Variants in KCNMA1 observed in about 807,000 individuals in gnomAD.
KCNMA1 encodes Calcium-activated potassium channel subunit alpha-1.
In KCNMA1, 29 loss-of-function variants were observed where a neutral mutation model predicts 140.0. That is an observed-to-expected ratio of 0.21 (90% CI 0.15 to 0.28). The LOEUF (loss-of-function observed/expected upper bound fraction) is 0.28. Among genes scored for constraint, KCNMA1 ranks in the 10% least tolerant of loss-of-function variants. KCNMA1 has a pLI of 1.00. For missense variants in KCNMA1, 880 were observed against 1,602.2 expected, an observed-to-expected ratio of 0.55 and a Z score of 7.70; for synonymous variants, 612 against 611.9, an observed-to-expected ratio of 1.00 and a Z score of 0.00.
intron 2 of KCNMA1, among the ~76,000 whole-genome samples, chr10:77,395,825 C>T (rs915849772): frequency 2.6e-5 from 4 of 152,182 alleles, no homozygotes; most frequent in East Asian, 1.9e-4. Context: ...CACTACCTGT[C>T]GGGGGAGACT....
At chr10:77,526,826 C>G (rs78101676) in intron 1 of KCNMA1, among the ~76,000 whole-genome samples, 6,132 of 151,668 alleles carry the variant, frequency 0.04, 178 homozygotes, top group Non-Finnish European at 0.06. Flanking sequence ...CTTCTCCTCT[C>G]TCTCTCTCTC....
chr10:77,244,212 AG>A (rs2058037839), intron 3 of KCNMA1, among the ~76,000 whole-genome samples: 1 of 152,182 alleles, frequency 6.6e-6, no homozygotes, highest in Non-Finnish European at 1.5e-5. Context: ...GATGACCTTG[AG>A]GAGGTCCCTC....
chr10:77,334,695 A>G (rs564060876), intron 2 of KCNMA1, among the ~76,000 whole-genome samples: 73 of 152,336 alleles, frequency 4.8e-4, no homozygotes, highest in Admixed American at 6.5e-4. Flanking sequence ...CATGAAACAT[A>G]CACTCAGTGT....
intron 1 of KCNMA1, among the ~76,000 whole-genome samples, chr10:77,613,322 G>C (rs538489054): frequency 3.3e-5 from 5 of 152,152 alleles, no homozygotes; most frequent in Non-Finnish European, 5.9e-5. Flanking sequence ...AACTGTGGCC[G>C]ACCAGGACTG....
intron 23 of KCNMA1, among the ~76,000 whole-genome samples, chr10:76,940,887 G>GGA (rs1156959326): frequency 6.6e-6 from 1 of 150,828 alleles, no homozygotes; most frequent in Admixed American, 6.6e-5. Context: ...CTTGAACCCA[G>GGA]GAGGTGGAGG....
At chr10:77,348,609 G>A (rs544202746) in intron 2 of KCNMA1, among the ~76,000 whole-genome samples, 16 of 152,320 alleles carry the variant, frequency 1.1e-4, no homozygotes, top group South Asian at 2.1e-4. Context: ...GCTGGGATCC[G>A]TCTTGAAAGA....
chr10:76,889,769 G>C, intron 26 of KCNMA1, 200 bp from the exon 27 acceptor site: 2 of 622,684 alleles, frequency 3.2e-6, no homozygotes, highest in East Asian at 5.7e-5. Context: ...TAGGGATCAG[G>C]TAACAATGGG....
rs34592624 is a variant in KCNMA1, at chr10:77,084,821, G to GA, written c.1441-103dup. 0.33 allele frequency: 187,775 copies of GA among 561,890 alleles called. 6,233 individuals carry two copies. Among genetic ancestry groups the GA allele is most frequent in the South Asian group, 0.38 (16,936 of 44,744 alleles). The allele number at this position is 561,890 out of a possible 1,614,324, so 34.8% of individuals were successfully genotyped here. On this transcript the variant is annotated intron_variant, in intron 11 of 27. Coordinates refer to ENST00000286628, the MANE Select transcript of KCNMA1 (RefSeq NM_001161352.2). Reference sequence around the variant, plus strand: ...CAGCTTCTTGGGGAAGCTTTGCAAAGAAAAAAAAAAAACAATCCTGAGAGC... The same window carrying GA: ...CAGCTTCTTGGGGAAGCTTTGCAAAGAAAAAAAAAAAAACAATCCTGAGAGC...
intron 1 of KCNMA1, among the ~76,000 whole-genome samples, chr10:77,528,586 G>A (rs566980720): frequency 1.3e-5 from 2 of 150,290 alleles, no homozygotes; most frequent in Admixed American, 6.6e-5. Context: ...TCCAGCCTGG[G>A]TGACAGAGTG....
chr10:77,634,496 C>G, intron 1 of KCNMA1: 1 of 985,372 alleles, frequency 1.0e-6, no homozygotes, highest in Non-Finnish European at 1.2e-6. Context: ...ATCCCAGAGA[C>G]CAAACGCTCA....
At chr10:77,073,614 G>A (rs759809704) in intron 13 of KCNMA1, among the ~76,000 whole-genome samples, 15 of 152,170 alleles carry the variant, frequency 9.9e-5, no homozygotes, top group Non-Finnish European at 1.9e-4. Context: ...CCAAATGCCT[G>A]TATATTTTCA....
At chr10:77,210,245 G>T (rs1279531053) in intron 3 of KCNMA1, among the ~76,000 whole-genome samples, 1 of 152,208 alleles carries the variant, frequency 6.6e-6, no homozygotes, top group Non-Finnish European at 1.5e-5. Flanking sequence ...TCCCTGGGAT[G>T]CAAGGTTGGT....
chr10:77,140,007 A>C (rs532487923), intron 5 of KCNMA1, among the ~76,000 whole-genome samples: 1 of 152,352 alleles, frequency 6.6e-6, no homozygotes, highest in South Asian at 2.1e-4. Flanking sequence ...CGTTTGCCAA[A>C]CTTTCTCCCA....
chr10:77,367,917 A>C (rs1435768399), intron 2 of KCNMA1, among the ~76,000 whole-genome samples: 2 of 152,214 alleles, frequency 1.3e-5, no homozygotes, highest in Admixed American at 6.5e-5. Context: ...TATTCATGGT[A>C]AGGATGTATC....
At chr10:77,402,845 C>T (rs1374434368) in intron 2 of KCNMA1, among the ~76,000 whole-genome samples, 4 of 152,162 alleles carry the variant, frequency 2.6e-5, no homozygotes, top group Non-Finnish European at 5.9e-5. Context: ...TTGACTGAGC[C>T]CTAGCTTCAT....
chr10:77,271,183 A>G (rs1410338322), intron 2 of KCNMA1, among the ~76,000 whole-genome samples: 3 of 152,230 alleles, frequency 2.0e-5, no homozygotes, highest in Non-Finnish European at 4.4e-5. Context: ...ATTTTTGTTA[A>G]TTAAAGTTAA....
chr10:77,411,050 T>A (rs1010780448), intron 1 of KCNMA1, among the ~76,000 whole-genome samples: 3 of 152,266 alleles, frequency 2.0e-5, no homozygotes, highest in African/African-American at 7.2e-5. Flanking sequence ...TCACCCAGGC[T>A]GGAGTGCAGT....
chr10:77,319,856 T>C (rs2081886179), intron 2 of KCNMA1, among the ~76,000 whole-genome samples: 1 of 152,238 alleles, frequency 6.6e-6, no homozygotes, highest in South Asian at 2.1e-4. Context: ...ACTGGCCTCC[T>C]ACCTTCATGA....
chr10:77,340,981 T>C (rs2090760422), intron 2 of KCNMA1, among the ~76,000 whole-genome samples: 1 of 152,114 alleles, frequency 6.6e-6, no homozygotes, highest in Non-Finnish European at 1.5e-5. Flanking sequence ...TGCTTCTCAA[T>C]GTCCAGAGTG....
Sources: gnomAD v4.1 joint callset for allele counts (sites outside exome capture counted in the v4.1 genomes callset) on GRCh38, gnomAD v4.1.1 for gene constraint, MANE v1.5 for transcripts, NCBI Gene and HGNC (gene_info 2026-07-23, HGNC 2026-07-21) for gene names.